Variants in ATRNL1 observed in about 807,000 individuals in gnomAD.
The protein encoded by ATRNL1 is attractin-like protein 1.
A neutral mutation model predicts 182.7 loss-of-function variants in ATRNL1; 95 were observed. The observed-to-expected ratio is 0.52, with a 90% CI of 0.44 to 0.62. The LOEUF (loss-of-function observed/expected upper bound fraction) is 0.62. Among genes scored for constraint, ATRNL1 ranks in the 20% least tolerant of loss-of-function variants. The pLI, the probability that ATRNL1 is intolerant of heterozygous loss-of-function variation, is 0.00. For missense variants in ATRNL1, 1,471 were observed against 1,679.5 expected (o/e 0.88, Z 2.17); for synonymous variants, 576 against 568.3 (o/e 1.01, Z -0.19).
At chr10:115,522,728 T>C (rs1225526555) in intron 25 of ATRNL1, among the ~76,000 whole-genome samples, 1 of 152,140 alleles carries the variant, frequency 6.6e-6, no homozygotes, top group Non-Finnish European at 1.5e-5. Flanking sequence ...TCCTTTCAGC[T>C]TTGAGCCTGT....
intron 15 of ATRNL1, among the ~76,000 whole-genome samples, chr10:115,290,183 A>G (rs1394674840): frequency 6.6e-6 from 1 of 151,614 alleles, no homozygotes; most frequent in East Asian, 1.9e-4. Context: ...GTTTGTGTAT[A>G]GAAGTGCTAC....
intron 26 of ATRNL1, among the ~76,000 whole-genome samples, chr10:115,617,486 A>G (rs1022703513): frequency 3.9e-5 from 6 of 152,212 alleles, no homozygotes; most frequent in Admixed American, 2.6e-4. Flanking sequence ...CAGCCTCCCA[A>G]GTAGCTGGGA....
chr10:115,910,639 A>G (rs1952646643), intron 28 of ATRNL1, among the ~76,000 whole-genome samples: 2 of 152,148 alleles, frequency 1.3e-5, no homozygotes. Context: ...ATATGTGTGT[A>G]GAACAGAATT....
intron 27 of ATRNL1, among the ~76,000 whole-genome samples, chr10:115,745,354 GTTTA>G (rs782453987): frequency 2.6e-5 from 4 of 152,086 alleles, no homozygotes; most frequent in Non-Finnish European, 5.9e-5. Flanking sequence ...ATCCACCACA[GTTTA>G]TTTATCCAGT....
At chr10:115,342,679 G>A (rs1167074485) in intron 19 of ATRNL1, among the ~76,000 whole-genome samples, 1 of 151,884 alleles carries the variant, frequency 6.6e-6, no homozygotes, top group East Asian at 1.9e-4. Context: ...CACTGTTACT[G>A]GTGAGTTTTG....
At chr10:115,863,254 C>A (rs1027111985) in intron 28 of ATRNL1, among the ~76,000 whole-genome samples, 1 of 152,032 alleles carries the variant, frequency 6.6e-6, no homozygotes, top group Admixed American at 6.6e-5. Flanking sequence ...AAAAATGAAC[C>A]TAAATGTATT....
intron 19 of ATRNL1, among the ~76,000 whole-genome samples, chr10:115,391,761 C>A (rs1844033627): frequency 6.6e-6 from 1 of 151,694 alleles, no homozygotes; most frequent in African/African-American, 2.4e-5. Flanking sequence ...AAGTCTTATT[C>A]CACTATCTTC....
At chr10:115,461,811 T>C (rs1378878232) in intron 21 of ATRNL1, 130 bp from the exon 22 acceptor site, 9 of 448,348 alleles carry the variant, frequency 2.0e-5, no homozygotes, top group Admixed American at 1.7e-4. Flanking sequence ...TTTGTTATAC[T>C]TAAATATACC....
intron 26 of ATRNL1, among the ~76,000 whole-genome samples, chr10:115,587,507 G>A (rs147601226): frequency 0.47 from 69,018 of 147,206 alleles, 18,036 homozygotes; most frequent in East Asian, 0.84. Flanking sequence ...ATTCAGGTGG[G>A]AGTGACCCGA....
intron 19 of ATRNL1, among the ~76,000 whole-genome samples, chr10:115,376,495 A>G (rs1857678617): frequency 6.6e-6 from 1 of 151,966 alleles, no homozygotes; most frequent in Non-Finnish European, 1.5e-5. Context: ...GGTAGCTAGG[A>G]CTACGGATGC....
At chr10:115,223,781 A>G (rs71484977) in intron 9 of ATRNL1, among the ~76,000 whole-genome samples, 3 of 150,990 alleles carry the variant, frequency 2.0e-5, no homozygotes, top group African/African-American at 4.9e-5. Context: ...TTAATTGACC[A>G]CAGTGAAATA....
chr10:115,096,614 C>T, intron 1 of ATRNL1: 1 of 1,251,924 alleles, frequency 8.0e-7, no homozygotes, highest in Non-Finnish European at 1.0e-6. Flanking sequence ...TTGGTTGGCT[C>T]CATGGTAACT....
intron 20 of ATRNL1, among the ~76,000 whole-genome samples, chr10:115,405,060 C>A (rs79754657): frequency 5.3e-5 from 8 of 152,060 alleles, no homozygotes; most frequent in Admixed American, 4.6e-4. Flanking sequence ...GATATACTAC[C>A]TACAAGTTGG....
intron 1 of ATRNL1, among the ~76,000 whole-genome samples, chr10:115,096,354 A>G (rs1289126262): frequency 6.6e-6 from 1 of 152,196 alleles, no homozygotes; most frequent in Non-Finnish European, 1.5e-5. Context: ...GTTAAAGAGA[A>G]GGATTATGTA....
At chr10:115,325,850 T>TA (rs1373015347) in intron 18 of ATRNL1, among the ~76,000 whole-genome samples, 1 of 152,146 alleles carries the variant, frequency 6.6e-6, no homozygotes, top group Non-Finnish European at 1.5e-5. Flanking sequence ...AGGGAGATGT[T>TA]AGATATGAGT....
chr10:115,926,621 A>G (rs1953243212), intron 28 of ATRNL1, among the ~76,000 whole-genome samples: 1 of 152,208 alleles, frequency 6.6e-6, no homozygotes, highest in Non-Finnish European at 1.5e-5. Context: ...ATCAGAGAAT[A>G]CTATAAACAC....
intron 26 of ATRNL1, among the ~76,000 whole-genome samples, chr10:115,581,797 G>C (rs1555007606): frequency 6.6e-6 from 1 of 151,330 alleles, no homozygotes; most frequent in Non-Finnish European, 1.5e-5. Context: ...ACAATGTGCA[G>C]GTTAGTTACA....
chr10:115,732,553 T>C (rs1947830058), intron 27 of ATRNL1, among the ~76,000 whole-genome samples: 1 of 152,204 alleles, frequency 6.6e-6, no homozygotes. Context: ...CTCAATCTCA[T>C]TTGAGTCTTA....
intron 19 of ATRNL1, among the ~76,000 whole-genome samples, chr10:115,388,603 ATCT>A (rs1295901730): frequency 5.3e-5 from 8 of 151,986 alleles, no homozygotes; most frequent in Non-Finnish European, 1.2e-4. Context: ...AAGCCTATTC[ATCT>A]TCATTGTTAT....
Sources: allele counts gnomAD v4.1 joint callset (sites outside exome capture counted in the v4.1 genomes callset), GRCh38; gene constraint gnomAD v4.1.1; transcripts MANE v1.5; gene names NCBI Gene and HGNC (gene_info 2026-07-23, HGNC 2026-07-21).